The following ZNF362 variants were observed in gnomAD, a reference collection of about 807,000 sequenced individuals.
The protein encoded by ZNF362 is zinc finger protein 362.
In ZNF362, 11 loss-of-function variants were observed where a neutral mutation model predicts 42.9. The ratio of observed to expected loss-of-function variants is 0.26; its 90% confidence interval spans 0.16 to 0.42. The LOEUF (loss-of-function observed/expected upper bound fraction) is 0.42. Among genes scored for constraint, ZNF362 ranks in the 20% least tolerant of loss-of-function variants. ZNF362 has a pLI of 1.00. For missense variants in ZNF362, 362 were observed against 576.2 expected, an observed-to-expected ratio of 0.63 and a Z score of 3.81; for synonymous variants, 255 against 257.3, an observed-to-expected ratio of 0.99 and a Z score of 0.09.
At chr1:33,153,044 T>A in the ZNF362 span, among the ~76,000 whole-genome samples, 2 of 7,340 alleles carry the variant, frequency 2.7e-4, no homozygotes, top group East Asian at 4.3e-3. Flanking sequence ...GATAGAGGGG[T>A]GGGAGGTGGG....
At chr1:33,270,936 C>CTGGG (rs1553178371) in intron 2 of ZNF362, among the ~76,000 whole-genome samples, 1 of 152,130 alleles carries the variant, frequency 6.6e-6, no homozygotes, top group Non-Finnish European at 1.5e-5. Context: ...AGTGGGCCTC[C>CTGGG]TGGGCTCCAC....
At chr1:33,149,614 G>A in the ZNF362 span, among the ~76,000 whole-genome samples, 4 of 150,278 alleles carry the variant, frequency 2.7e-5, no homozygotes, top group South Asian at 2.1e-4. Flanking sequence ...ATCACTATGC[G>A]CAGCTAATTT....
chr1:33,199,340 A>G, the ZNF362 span, among the ~76,000 whole-genome samples: 1 of 152,104 alleles, frequency 6.6e-6, no homozygotes, highest in Admixed American at 6.6e-5. Flanking sequence ...TTTATTATAA[A>G]CAATGCAAAC....
the ZNF362 span, among the ~76,000 whole-genome samples, chr1:33,212,168 A>T: frequency 6.6e-6 from 1 of 152,140 alleles, no homozygotes; most frequent in Non-Finnish European, 1.5e-5. Flanking sequence ...CATGTAAGAC[A>T]TGCCTGCTTC....
the ZNF362 span, among the ~76,000 whole-genome samples, chr1:33,211,988 C>T: frequency 6.6e-6 from 1 of 152,058 alleles, no homozygotes; most frequent in Non-Finnish European, 1.5e-5. Flanking sequence ...AATTGTAATC[C>T]CTGGTGTTGG....
At chr1:33,233,437 T>C in the ZNF362 span, among the ~76,000 whole-genome samples, 1 of 151,150 alleles carries the variant, frequency 6.6e-6, no homozygotes, top group Admixed American at 6.6e-5. Context: ...AGAGTCTCGC[T>C]CTGTCGCCCA....
At chr1:33,296,240 A>T (rs376414267) in intron 8 of ZNF362, among the ~76,000 whole-genome samples, 9 of 152,194 alleles carry the variant, frequency 5.9e-5, no homozygotes, top group African/African-American at 2.2e-4. Flanking sequence ...TCTGAGCAGC[A>T]TTCCAGGCCT....
rs1553178769 is a variant in ZNF362, at chr1:33,276,606, G to GGGCGGGGCC, written c.349+24_349+32dup. The GGGCGGGGCC allele has an allele frequency of 9.2e-5, 122 of 1,326,282 alleles. No individual in the cohort carries two copies. Among genetic ancestry groups the GGGCGGGGCC allele is most frequent in the African/African-American group, 3.3e-4 (21 of 64,294 alleles). 82.2% of individuals were successfully genotyped at this position (1,326,282 alleles called of 1,614,324 possible). A position where few individuals can be genotyped will look rare whatever the true frequency, so the allele number is the denominator to read the frequency against. ...CAGCACCGTCACAGGTAGGCCGAGC[G>GGGCGGGGCC]GGCGGGGCCGGCGGGGCCGGTGAGG... On this transcript the variant is annotated intron_variant, in intron 4 of 8. Transcript: ENST00000539719.
the ZNF362 span, among the ~76,000 whole-genome samples, chr1:33,133,129 CTTACAG>C: frequency 3.3e-5 from 5 of 152,266 alleles, no homozygotes; most frequent in South Asian, 2.1e-4. Flanking sequence ...CCCATAGTCA[CTTACAG>C]TTACAGTTAC....
chr1:33,245,811 G>A, the ZNF362 span, among the ~76,000 whole-genome samples: 1 of 152,176 alleles, frequency 6.6e-6, no homozygotes, highest in Non-Finnish European at 1.5e-5. Flanking sequence ...ATGGTGGCAT[G>A]TGCCTGTAGT....
intron 6 of ZNF362, among the ~76,000 whole-genome samples, chr1:33,283,286 C>CT (rs972077123): frequency 6.6e-6 from 1 of 152,018 alleles, no homozygotes; most frequent in African/African-American, 2.4e-5. Context: ...TTTTTATTTG[C>CT]TTTTTTTGTT....
chr1:33,171,210 C>G, the ZNF362 span, among the ~76,000 whole-genome samples: 1 of 152,174 alleles, frequency 6.6e-6, no homozygotes, highest in South Asian at 2.1e-4. Context: ...GAAACTGGAG[C>G]CTGATAAACT....
the ZNF362 span, chr1:33,146,906 G>A: frequency 1.0e-5 from 5 of 489,638 alleles, no homozygotes; most frequent in Non-Finnish European, 1.8e-5. Flanking sequence ...ATGAGGGTTG[G>A]GCAGGGGTTG....
chr1:33,137,719 T>G, the ZNF362 span, among the ~76,000 whole-genome samples: 1 of 152,132 alleles, frequency 6.6e-6, no homozygotes, highest in South Asian at 2.1e-4. Context: ...CAGAAAACTT[T>G]CAAGTGGCTC....
the ZNF362 span, among the ~76,000 whole-genome samples, chr1:33,127,656 G>C: frequency 2.0e-5 from 3 of 152,176 alleles, no homozygotes; most frequent in Non-Finnish European, 4.4e-5. Context: ...GGAGGATCTG[G>C]GTAAAAGAAC....
At chr1:33,192,087 G>A in the ZNF362 span, among the ~76,000 whole-genome samples, 4 of 152,250 alleles carry the variant, frequency 2.6e-5, no homozygotes, top group East Asian at 5.8e-4. Context: ...AGGAAATTAG[G>A]GGATTTTAAA....
chr1:33,276,498 C>G lies in ZNF362; in HGVS notation c.253C>G (p.Leu85Val). 2 of 1,576,512 alleles carry G rather than the reference C, an allele frequency of 1.3e-6. No homozygotes were observed. The highest frequency in any genetic ancestry group is 1.7e-6 in the Non-Finnish European group (2 of 1,165,598). Residue 85 changes from leucine (L) to valine (V), a missense_variant, in exon 4 of 9, where the codon CTG becomes GTG. Leu to Val is a conservative substitution (Grantham distance 32, BLOSUM62 1). Coordinates refer to ENST00000539719, the MANE Select transcript of ZNF362 (RefSeq NM_152493.3). Reference sequence around the variant, plus strand: ...CGAGAGCAGCCAGGCCGTCATGTCGCTGCCCAAGCTGCAGCAGGTGCCGGG... The same window carrying G: ...CGAGAGCAGCCAGGCCGTCATGTCGGTGCCCAAGCTGCAGCAGGTGCCGGG... ...PAESSQAVMS[L>V]PKLQQVPGLH...
the ZNF362 span, among the ~76,000 whole-genome samples, chr1:33,174,775 C>T: frequency 2.6e-5 from 4 of 152,120 alleles, no homozygotes; most frequent in Non-Finnish European, 5.9e-5. Context: ...CAGCAACCTA[C>T]CAGTTTATGG....
chr1:33,176,184 A>G, the ZNF362 span, among the ~76,000 whole-genome samples: 2 of 152,340 alleles, frequency 1.3e-5, no homozygotes, highest in South Asian at 4.1e-4. Context: ...GCTACAAAAT[A>G]AAGTGCCTCT....
Sources: allele counts gnomAD v4.1 joint callset (sites outside exome capture counted in the v4.1 genomes callset), GRCh38; gene constraint gnomAD v4.1.1; transcripts MANE v1.5; gene names NCBI Gene and HGNC (gene_info 2026-07-23, HGNC 2026-07-21).